The following TTC39C variants were observed in gnomAD, a reference collection of about 807,000 sequenced individuals.
TTC39C encodes tetratricopeptide repeat protein 39C.
Under a neutral mutation model 76.3 loss-of-function variants are expected in TTC39C, and 33 were observed. The ratio of observed to expected loss-of-function variants is 0.43; its 90% CI spans 0.33 to 0.58. The LOEUF is 0.58. Ranked by LOEUF, TTC39C falls within the 20% of genes least tolerant of loss-of-function variation. The pLI, the probability that TTC39C is intolerant of heterozygous loss-of-function variation, is 0.04. For synonymous variants in TTC39C, 254 were observed against 260.6 expected, an observed-to-expected ratio of 0.97 and a Z score of 0.24; for missense variants, 595 against 701.4, an observed-to-expected ratio of 0.85 and a Z score of 1.71.
At position 24,134,686 on chromosome 18, in the gene TTC39C, GTCA is replaced by G. The variant is rs773212584; in HGVS notation, c.*2120_*2122del. ...TGCAGCATAGGTGACAAGCTTTTCT[GTCA>G]TCATCATGGAGCATTCTGAATCATG... On this transcript the variant is annotated 3_prime_UTR_variant, in exon 14 of 14. Transcript: ENST00000317571. 6.6e-6 allele frequency: 1 copy of G among 152,066 alleles called. No homozygotes were observed. Among genetic ancestry groups the G allele is most frequent in the Non-Finnish European group, 1.5e-5 (1 of 68,010 alleles). 9.4% of individuals were successfully genotyped at this position (152,066 alleles called of 1,614,324 possible). A position where few individuals can be genotyped will look rare whatever the true frequency, so the allele number is the denominator to read the frequency against.
At chr18:24,116,338 T>C (rs1368772459) in intron 7 of TTC39C, among the ~76,000 whole-genome samples, 1 of 152,188 alleles carries the variant, frequency 6.6e-6, no homozygotes, top group Non-Finnish European at 1.5e-5. Flanking sequence ...AAGCCAGGAC[T>C]TCGAGACCAG....
intron 1 of TTC39C, among the ~76,000 whole-genome samples, chr18:24,033,753 A>G (rs1426037267): frequency 6.6e-6 from 1 of 152,204 alleles, no homozygotes; most frequent in Non-Finnish European, 1.5e-5. Flanking sequence ...ATGTAACATG[A>G]TCAGTAGCCA....
chr18:24,035,793 G>A (rs575598566), intron 1 of TTC39C, among the ~76,000 whole-genome samples: 6 of 152,130 alleles, frequency 3.9e-5, no homozygotes, highest in East Asian at 3.9e-4. Context: ...GATATAGATC[G>A]GTGTATCTGT....
chr18:24,103,591 A>C (rs1035262124), intron 6 of TTC39C, among the ~76,000 whole-genome samples: 5 of 152,214 alleles, frequency 3.3e-5, no homozygotes, highest in African/African-American at 9.6e-5. Context: ...TTTATCTGCT[A>C]TATGTATCTC....
upstream of TTC39C, among the ~76,000 whole-genome samples, chr18:24,010,918 T>C (rs1472955494): frequency 6.6e-6 from 1 of 152,070 alleles, no homozygotes; most frequent in Non-Finnish European, 1.5e-5. Flanking sequence ...TGTGGTGACA[T>C]GTGCCTGTAG....
intron 1 of TTC39C, among the ~76,000 whole-genome samples, chr18:24,018,621 C>G (rs2083483678): frequency 6.6e-6 from 1 of 151,982 alleles, no homozygotes; most frequent in Non-Finnish European, 1.5e-5. Context: ...CTAACTCAGC[C>G]TGAAGGACAG....
chr18:24,051,826 C>T (rs1336188483), intron 1 of TTC39C, among the ~76,000 whole-genome samples: 2 of 152,134 alleles, frequency 1.3e-5, no homozygotes, highest in East Asian at 3.9e-4. Flanking sequence ...GAGGACAGTT[C>T]GTCAGATGAA....
At chr18:24,056,905 A>G (rs937149616) in intron 1 of TTC39C, among the ~76,000 whole-genome samples, 32 of 151,644 alleles carry the variant, frequency 2.1e-4, no homozygotes, top group Admixed American at 9.2e-4. Context: ...CTGGTTTGGA[A>G]CTCCTAGTCT....
chr18:24,100,678 G>A (rs1456497468), intron 6 of TTC39C, among the ~76,000 whole-genome samples: 1 of 152,216 alleles, frequency 6.6e-6, no homozygotes, highest in Non-Finnish European at 1.5e-5. Flanking sequence ...CTAGAAGTCT[G>A]TGGATCTGGT....
chr18:24,030,172 T>A (rs968581341), intron 1 of TTC39C, among the ~76,000 whole-genome samples: 1 of 152,214 alleles, frequency 6.6e-6, no homozygotes, highest in Non-Finnish European at 1.5e-5. Flanking sequence ...AGTTGAGAAA[T>A]GTGGTTTGGA....
At chr18:24,038,480 A>G (rs574766099) in intron 1 of TTC39C, among the ~76,000 whole-genome samples, 1 of 152,218 alleles carries the variant, frequency 6.6e-6, no homozygotes, top group African/African-American at 2.4e-5. Flanking sequence ...ACGGGGACTC[A>G]CCACATTGTC....
At chr18:24,019,672 T>C (rs2083495667) in intron 1 of TTC39C, among the ~76,000 whole-genome samples, 1 of 152,238 alleles carries the variant, frequency 6.6e-6, no homozygotes, top group Non-Finnish European at 1.5e-5. Context: ...CAGGAGTTGG[T>C]AAACTATGGC....
At chr18:24,101,100 G>A (rs2084667816) in intron 6 of TTC39C, among the ~76,000 whole-genome samples, 1 of 152,140 alleles carries the variant, frequency 6.6e-6, no homozygotes, top group Non-Finnish European at 1.5e-5. Context: ...ACTTTGGGAA[G>A]CAGTAGGCTA....
At position 24,108,269 on chromosome 18, in the gene TTC39C, A is replaced by G. The variant is rs1451719157; in HGVS notation, c.985-6285A>G. Among the ~76,000 whole-genome samples, 5 of 152,198 alleles carry G rather than the reference A, an allele frequency of 3.3e-5. No homozygotes were observed. The East Asian group carries it at 9.6e-4, about 29-fold the overall frequency. ...TGTGCATGTGAGCTTTTTGTCACTT[A>G]ATGTTAAATATGATTTGGAGGTGGC... On this transcript the variant is annotated intron_variant, in intron 6 of 13. Transcript: ENST00000317571.
chr18:24,113,087 G>C (rs1220635163), intron 6 of TTC39C, among the ~76,000 whole-genome samples: 2 of 152,158 alleles, frequency 1.3e-5, no homozygotes, highest in Non-Finnish European at 2.9e-5. Flanking sequence ...AAGTTACTGA[G>C]AACAGGAATC....
intron 1 of TTC39C, among the ~76,000 whole-genome samples, chr18:24,038,594 T>A (rs2083758218): frequency 1.3e-5 from 2 of 152,134 alleles, no homozygotes; most frequent in Admixed American, 6.5e-5. Context: ...ACACAGCATA[T>A]AATTTAAATG....
At chr18:24,010,249 A>G (rs1331363523), upstream of TTC39C, among the ~76,000 whole-genome samples, 2 of 152,258 alleles carry the variant, frequency 1.3e-5, no homozygotes, top group East Asian at 3.8e-4. Context: ...CAGGTTGTTT[A>G]CAGCTCGGGG....
At chr18:24,084,169 G>C (rs1013635886) in intron 6 of TTC39C, among the ~76,000 whole-genome samples, 1 of 152,168 alleles carries the variant, frequency 6.6e-6, no homozygotes, top group Non-Finnish European at 1.5e-5. Flanking sequence ...ATGTGTTTTA[G>C]AGATTATACT....
chr18:24,049,333 G>C (rs2083921739), intron 1 of TTC39C, among the ~76,000 whole-genome samples: 1 of 152,204 alleles, frequency 6.6e-6, no homozygotes, highest in African/African-American at 2.4e-5. Context: ...ATGTTAGTGA[G>C]TTTGTTCACT....
Sources: allele counts gnomAD v4.1 joint callset (sites outside exome capture counted in the v4.1 genomes callset), GRCh38; gene constraint gnomAD v4.1.1; transcripts MANE v1.5; gene names NCBI Gene and HGNC (gene_info 2026-07-23, HGNC 2026-07-21).